The following EPHA4 variants were observed in gnomAD, a reference collection of about 807,000 sequenced individuals.
The protein encoded by EPHA4 is ephrin type-A receptor 4.
In EPHA4, 19 loss-of-function variants were observed where a neutral mutation model predicts 108.3. The ratio of observed to expected loss-of-function variants is 0.18; its 90% CI spans 0.12 to 0.26. EPHA4 has a LOEUF of 0.26. Ranked by LOEUF, EPHA4 falls within the 10% of genes least tolerant of loss-of-function variation. The pLI is 1.00. For synonymous variants in EPHA4, 449 were observed against 455.5 expected (o/e 0.99, Z 0.18); for missense variants, 917 against 1,254.0 (o/e 0.73, Z 4.06).
At chr2:221,470,543 C>A (rs1225381005) in intron 5 of EPHA4, among the ~76,000 whole-genome samples, 3 of 146,326 alleles carry the variant, frequency 2.1e-5, no homozygotes, top group African/African-American at 7.7e-5. Context: ...TTTAGGGAAC[C>A]TCTGCTTTTC....
rs879781384 is a variant in EPHA4, at chr2:221,567,012, A to AAGAAGAAGAAGAAGAAGAAG, written c.159+1705_159+1706insCTTCTTCTTCTTCTTCTTCT. Among the ~76,000 whole-genome samples the AAGAAGAAGAAGAAGAAGAAG allele has an allele frequency of 4.3e-4, 29 of 67,804 alleles. 4 individuals are homozygous for AAGAAGAAGAAGAAGAAGAAG. Among genetic ancestry groups the AAGAAGAAGAAGAAGAAGAAG allele is most frequent in the South Asian group, 1.3e-3 (2 of 1,496 alleles). The allele number at this position is 67,804 out of a possible 152,430, so 44.5% of individuals were successfully genotyped here. On this transcript the variant is annotated intron_variant, in intron 2 of 17. Coordinates refer to ENST00000281821, the MANE Select transcript of EPHA4 (RefSeq NM_004438.5). ...AGAAGAAGAAGAAGAAGAAGAAGAAAAAAATGTCTGCAGCATATTAAATTG... is the reference window on the plus strand; with the variant it reads ...AGAAGAAGAAGAAGAAGAAGAAGAAAAGAAGAAGAAGAAGAAGAAGAAAATGTCTGCAGCATATTAAATTG...
At position 221,428,104 on chromosome 2, in the gene EPHA4, A is replaced by G. The variant is rs141854338; in HGVS notation, c.2691-1485T>C. 7.7e-3 allele frequency among the ~76,000 whole-genome samples: 1,177 copies of G among 152,350 alleles called. 14 individuals carry two copies. Among genetic ancestry groups the G allele is most frequent in the African/African-American group, 0.027 (1,117 of 41,582 alleles). On this transcript the variant is annotated intron_variant, in intron 15 of 17. Coordinates refer to ENST00000281821, the MANE Select transcript of EPHA4 (RefSeq NM_004438.5). ...ATTTTGGACATTTAATTGAGTGTGGATATATAGCAATAATATTTGTTATTA... is the reference window on the plus strand; with the variant it reads ...ATTTTGGACATTTAATTGAGTGTGGGTATATAGCAATAATATTTGTTATTA...
intron 11 of EPHA4, among the ~76,000 whole-genome samples, chr2:221,440,649 T>G (rs1396846548): frequency 6.6e-6 from 1 of 151,288 alleles, no homozygotes; most frequent in Non-Finnish European, 1.5e-5. Context: ...TGGGGAAAGA[T>G]GTACCTACTT....
rs1225993470 is a variant in EPHA4, at chr2:221,572,278, G to A, written c.-30C>T. 2.6e-6 allele frequency: 4 copies of A among 1,567,874 alleles called. No individual in the cohort carries two copies. ...CGCCGGTGCCAACGCTGCTCCTGCC[G>A]CTTCTATCCCAGTGGAATAAATGCT... On this transcript the variant is annotated 5_prime_UTR_variant, in exon 1 of 18. Coordinates refer to ENST00000281821, the MANE Select transcript of EPHA4 (RefSeq NM_004438.5).
At chr2:221,566,331 T>G (rs962364379) in intron 2 of EPHA4, among the ~76,000 whole-genome samples, 3 of 151,866 alleles carry the variant, frequency 2.0e-5, no homozygotes, top group Non-Finnish European at 4.4e-5. Context: ...ATGTCCTAAC[T>G]GCAAGCAGAG....
In EPHA4 at chr2:221,495,001, C is replaced by CAA. The variant is rs5838887; in HGVS notation, c.979+6014_979+6015dup. Among the ~76,000 whole-genome samples, 189 of 85,268 alleles carry CAA rather than the reference C, an allele frequency of 2.2e-3. 1 individual carries two copies. The highest frequency in any genetic ancestry group is 6.7e-3 in the Admixed American group (53 of 7,886). The allele number at this position is 85,268 out of a possible 152,430, so 55.9% of individuals were successfully genotyped here. ...ATGGTGCTTGTCCTGGCAATGTTGC[C>CAA]AAAAAAAAAAAAAAAAAAAAAAACT... On this transcript the variant is annotated intron_variant, in intron 4 of 17. Coordinates refer to ENST00000281821, the MANE Select transcript of EPHA4 (RefSeq NM_004438.5).
At chr2:221,454,643 C>T (rs1284440523) in intron 8 of EPHA4, among the ~76,000 whole-genome samples, 1 of 152,146 alleles carries the variant, frequency 6.6e-6, no homozygotes, top group Non-Finnish European at 1.5e-5. Flanking sequence ...GATTCTTACA[C>T]ATCAAAGACA....
chr2:221,529,673 C>T (rs935755072), intron 3 of EPHA4, among the ~76,000 whole-genome samples: 13 of 152,146 alleles, frequency 8.5e-5, no homozygotes, highest in African/African-American at 2.9e-4. Flanking sequence ...TTTGAGACAA[C>T]GCTGAAGGGC....
chr2:221,513,318 T>G (rs974635126), intron 3 of EPHA4, among the ~76,000 whole-genome samples: 1 of 152,160 alleles, frequency 6.6e-6, no homozygotes, highest in Non-Finnish European at 1.5e-5. Context: ...ACGAATGAAA[T>G]ATGTTCTGAA....
chr2:221,419,776 G>C lies in EPHA4; in HGVS notation c.*1596C>G, dbSNP rs1689697109. ...AGATACAGGATGCGTGTAGATACAG[G>C]ATGCTGAACATCTCTGGGTTGTCTT... On this transcript the variant is annotated 3_prime_UTR_variant, in exon 18 of 18. Coordinates refer to ENST00000281821, the MANE Select transcript of EPHA4 (RefSeq NM_004438.5). 1 of 152,278 alleles carries C rather than the reference G, an allele frequency of 6.6e-6. No individual in the cohort carries two copies. Among genetic ancestry groups the C allele is most frequent in the South Asian group, 2.1e-4 (1 of 4,792 alleles). The allele number at this position is 152,278 out of a possible 1,614,324, so 9.4% of individuals were successfully genotyped here. A position where few individuals can be genotyped will look rare whatever the true frequency, so the allele number is the denominator to read the frequency against.
chr2:221,513,481 C>T (rs765225208), intron 3 of EPHA4, among the ~76,000 whole-genome samples: 2 of 152,178 alleles, frequency 1.3e-5, no homozygotes, highest in Non-Finnish European at 2.9e-5. Flanking sequence ...AATAAGTGCT[C>T]AGTGCACCTC....
chr2:221,448,981 A>T (rs1211894055), intron 8 of EPHA4, among the ~76,000 whole-genome samples: 1 of 152,220 alleles, frequency 6.6e-6, no homozygotes, highest in African/African-American at 2.4e-5. Context: ...GTCATTAATT[A>T]TAAGGTTGAC....
intron 3 of EPHA4, among the ~76,000 whole-genome samples, chr2:221,512,880 C>T (rs1257741058): frequency 6.6e-6 from 1 of 152,196 alleles, no homozygotes; most frequent in East Asian, 1.9e-4. Context: ...CTGTTCCCTT[C>T]AGGAAGGAAG....
At chr2:221,496,065 C>T (rs1207681679) in intron 4 of EPHA4, among the ~76,000 whole-genome samples, 2 of 152,114 alleles carry the variant, frequency 1.3e-5, no homozygotes, top group Non-Finnish European at 2.9e-5. Context: ...TTTGAAAGGA[C>T]CCCTGATGTT....
chr2:221,525,085 C>T (rs1693281470), intron 3 of EPHA4, among the ~76,000 whole-genome samples: 1 of 152,068 alleles, frequency 6.6e-6, no homozygotes, highest in South Asian at 2.1e-4. Context: ...AAATTACATG[C>T]CCATGATAGA....
At position 221,426,506 on chromosome 2, in the gene EPHA4, G is replaced by A. The variant is rs764137404; in HGVS notation, c.2804C>T (p.Ala935Val). 6.2e-7 allele frequency: 1 copy of A among 1,613,900 alleles called. No homozygotes were observed. Among genetic ancestry groups the A allele is most frequent in the Non-Finnish European group, 8.5e-7 (1 of 1,179,980 alleles). The part of the protein sequence containing the change: ...MDRYKDNFTA[A>V]GYTTLEAVVH... ...CACAGCCTCTAGTGTGGTATAACCA[G>A]CAGCTGTGAAGTTATCCTTATACCG... is the stretch of plus-strand genomic sequence containing the variant. Residue 935 changes from alanine to valine, a missense_variant, in exon 16 of 18, where the codon GCT (alanine) becomes GTT (valine). Ala to Val is a moderately conservative substitution (Grantham distance 64). Transcript: ENST00000281821.
chr2:221,509,081 C>A (rs1170515953), intron 3 of EPHA4, among the ~76,000 whole-genome samples: 2 of 152,176 alleles, frequency 1.3e-5, no homozygotes, highest in African/African-American at 4.8e-5. Flanking sequence ...GTAATCCCAC[C>A]ACTTTGGGAG....
intron 8 of EPHA4, among the ~76,000 whole-genome samples, chr2:221,448,248 G>C (rs979731168): frequency 6.8e-6 from 1 of 146,106 alleles, no homozygotes; most frequent in Admixed American, 6.8e-5. Flanking sequence ...GGGGTGGGGT[G>C]GGGGGTGGGG....
At chr2:221,439,661 T>C (rs932196534) in intron 11 of EPHA4, among the ~76,000 whole-genome samples, 4 of 151,778 alleles carry the variant, frequency 2.6e-5, no homozygotes, top group African/African-American at 9.7e-5. Context: ...CTTGTGACCA[T>C]AGTCTTCTGA....
Sources: allele counts gnomAD v4.1 joint callset (sites outside exome capture counted in the v4.1 genomes callset), GRCh38; gene constraint gnomAD v4.1.1; transcripts MANE v1.5; gene names NCBI Gene and HGNC (gene_info 2026-07-23, HGNC 2026-07-21).